The following STARD13 variants were observed in gnomAD, a reference collection of about 807,000 sequenced individuals.
STARD13 encodes the protein StAR related lipid transfer domain containing 13.
STARD13 carries 62 observed loss-of-function variants against 106.4 expected under a neutral mutation model. The observed-to-expected ratio is 0.58, with a 90% CI of 0.48 to 0.72. The LOEUF (loss-of-function observed/expected upper bound fraction) is 0.72. Among genes scored for constraint, STARD13 ranks in the 30% least tolerant of loss-of-function variants. The pLI is 0.00. For synonymous variants in STARD13, 565 were observed against 553.0 expected (o/e 1.02, Z -0.31); for missense variants, 1,387 against 1,424.0 (o/e 0.97, Z 0.42).
At chr13:33,626,096 G>A in the STARD13 span, among the ~76,000 whole-genome samples, 4 of 152,026 alleles carry the variant, frequency 2.6e-5, no homozygotes, top group African/African-American at 4.8e-5. Context: ...GAGACTCTTG[G>A]CATTGTCTAT....
chr13:33,642,838 A>AT, the STARD13 span, among the ~76,000 whole-genome samples: 3 of 138,228 alleles, frequency 2.2e-5, no homozygotes, highest in Admixed American at 1.5e-4. Context: ...ACAAACAAAC[A>AT]TTAAAAAAAA....
At chr13:33,499,761 C>CTTTTTTTTTT in the STARD13 span, among the ~76,000 whole-genome samples, 2 of 94,574 alleles carry the variant, frequency 2.1e-5, no homozygotes, top group Non-Finnish European at 4.0e-5. Flanking sequence ...CTTCTTCTTT[C>CTTTTTTTTTT]TTTTTTTTTT....
At chr13:33,156,268 T>C (rs929197710) in intron 3 of STARD13, among the ~76,000 whole-genome samples, 2 of 152,246 alleles carry the variant, frequency 1.3e-5, no homozygotes, top group Admixed American at 1.3e-4. Context: ...ATCTAGTTCG[T>C]GAGCCCTGGC....
At chr13:33,664,342 G>C in the STARD13 span, among the ~76,000 whole-genome samples, 4 of 152,150 alleles carry the variant, frequency 2.6e-5, no homozygotes, top group Non-Finnish European at 5.9e-5. Flanking sequence ...TTGAGTTTTT[G>C]GTGTCACAGC....
the STARD13 span, among the ~76,000 whole-genome samples, chr13:33,381,886 A>G: frequency 6.6e-6 from 1 of 152,226 alleles, no homozygotes; most frequent in Non-Finnish European, 1.5e-5. Flanking sequence ...ATGGTTTTGC[A>G]TAATGATACA....
chr13:33,227,426 G>C (rs1888683854), intron 1 of STARD13, among the ~76,000 whole-genome samples: 1 of 152,118 alleles, frequency 6.6e-6, no homozygotes, highest in African/African-American at 2.4e-5. Context: ...TCTAAAAGGA[G>C]GCATGGAAAC....
the STARD13 span, among the ~76,000 whole-genome samples, chr13:33,648,783 C>CTTTTTTTTTTTT: frequency 3.4e-4 from 26 of 77,014 alleles, no homozygotes; most frequent in Non-Finnish European, 4.0e-4. Flanking sequence ...TTTTCTCTTT[C>CTTTTTTTTTTTT]TTTTTTTTTT....
chr13:33,423,897 GA>G, the STARD13 span, among the ~76,000 whole-genome samples: 1 of 152,180 alleles, frequency 6.6e-6, no homozygotes, highest in Non-Finnish European at 1.5e-5. Context: ...TGAACAATGA[GA>G]ACACTTGGAC....
intron 1 of STARD13, among the ~76,000 whole-genome samples, chr13:33,213,057 A>G (rs1210857882): frequency 6.6e-6 from 1 of 152,124 alleles, no homozygotes; most frequent in African/African-American, 2.4e-5. Context: ...CCTTTATCCA[A>G]AAAGGTTCCG....
At chr13:33,314,567 T>C (rs1893259245) in intron 1 of STARD13, among the ~76,000 whole-genome samples, 1 of 152,234 alleles carries the variant, frequency 6.6e-6, no homozygotes, top group Non-Finnish European at 1.5e-5. Context: ...CTTTGTTAAG[T>C]ATTTTTATGC....
chr13:33,632,756 A>C, the STARD13 span, among the ~76,000 whole-genome samples: 1 of 151,990 alleles, frequency 6.6e-6, no homozygotes, highest in Non-Finnish European at 1.5e-5. Context: ...CTTTCCTATA[A>C]GTATAAAGTC....
At chr13:33,240,833 A>G (rs1416584212) in intron 1 of STARD13, among the ~76,000 whole-genome samples, 1 of 152,090 alleles carries the variant, frequency 6.6e-6, no homozygotes, top group East Asian at 1.9e-4. Flanking sequence ...TAGTACTATA[A>G]GTAGTATTGT....
the STARD13 span, among the ~76,000 whole-genome samples, chr13:33,446,986 C>G: frequency 0.06 from 9,174 of 152,244 alleles, 625 homozygotes; most frequent in African/African-American, 0.17. Flanking sequence ...CTTGTTCTCT[C>G]TCTTTCTGTG....
At chr13:33,289,975 A>G (rs997031807), upstream of STARD13, among the ~76,000 whole-genome samples, 3 of 151,842 alleles carry the variant, frequency 2.0e-5, no homozygotes, top group African/African-American at 4.8e-5. Flanking sequence ...TGAGTTTCTC[A>G]TAGCATTCAC....
the STARD13 span, among the ~76,000 whole-genome samples, chr13:33,560,173 A>T: frequency 6.6e-6 from 1 of 151,620 alleles, no homozygotes; most frequent in Non-Finnish European, 1.5e-5. Context: ...ATGGCTGTCC[A>T]CATAGCTACC....
intron 1 of STARD13, among the ~76,000 whole-genome samples, chr13:33,327,026 T>A (rs2077783637): frequency 6.6e-6 from 1 of 152,224 alleles, no homozygotes; most frequent in African/African-American, 2.4e-5. Context: ...ATGTATTAAT[T>A]TCAATCACAA....
intron 1 of STARD13, among the ~76,000 whole-genome samples, chr13:33,220,120 T>C (rs1888273742): frequency 6.6e-6 from 1 of 152,198 alleles, no homozygotes. Flanking sequence ...CTTCAGTGGG[T>C]AGAGCACTGC....
Position 33,175,230 on chromosome 13 carries a change from C to T in STARD13, c.170-7608G>A, listed in dbSNP as rs114447937. The stretch of plus-strand genomic sequence containing the variant: ...TTTGATACAGATTGTTCCAATCAGG[C>T]GCTTGTGGTATTTCTCAGGGAGGCT... On this transcript the variant is annotated intron_variant, in intron 1 of 13. Transcript: ENST00000336934. Among the ~76,000 whole-genome samples the T allele has an allele frequency of 9.0e-3, 1,370 of 152,224 alleles. 27 individuals carry two copies. Among genetic ancestry groups the T allele is most frequent in the African/African-American group, 0.031 (1,296 of 41,532 alleles).
At chr13:33,304,716 G>C (rs1368976504) in intron 1 of STARD13, among the ~76,000 whole-genome samples, 1 of 151,982 alleles carries the variant, frequency 6.6e-6, no homozygotes, top group Non-Finnish European at 1.5e-5. Flanking sequence ...GTACCCCCAC[G>C]AGACATTGCC....
Sources: allele counts gnomAD v4.1 joint callset (sites outside exome capture counted in the v4.1 genomes callset), GRCh38; gene constraint gnomAD v4.1.1; transcripts MANE v1.5; gene names NCBI Gene and HGNC (gene_info 2026-07-23, HGNC 2026-07-21).